The following NCAM2 variants were observed in gnomAD, a reference collection of about 807,000 sequenced individuals.
The protein encoded by NCAM2 is N-CAM-2.
In NCAM2, 30 loss-of-function variants were observed where a neutral mutation model predicts 98.1. The observed-to-expected ratio is 0.31, with a 90% CI of 0.23 to 0.41. NCAM2 has a LOEUF of 0.41. NCAM2 is among the 10% of genes least tolerant of loss of function. NCAM2 has a pLI of 1.00. For synonymous variants in NCAM2, 368 were observed against 342.4 expected, an observed-to-expected ratio of 1.07 and a Z score of -0.83; for missense variants, 867 against 1,005.8, an observed-to-expected ratio of 0.86 and a Z score of 1.87.
chr21:21,208,607 A>G (rs143414987), intron 1 of NCAM2, among the ~76,000 whole-genome samples: 284 of 152,198 alleles, frequency 1.9e-3, no homozygotes, highest in African/African-American at 6.8e-3. Flanking sequence ...TTATTTGATG[A>G]TATCAGATTC....
chr21:21,412,849 T>C (rs746190542), intron 10 of NCAM2, among the ~76,000 whole-genome samples: 3 of 150,824 alleles, frequency 2.0e-5, no homozygotes, highest in Non-Finnish European at 3.0e-5. Context: ...ATTACTAATA[T>C]TTAATTATTA....
chr21:21,198,304 A>G (rs2069086512), intron 1 of NCAM2, among the ~76,000 whole-genome samples: 3 of 151,862 alleles, frequency 2.0e-5, no homozygotes, highest in Admixed American at 1.3e-4. Context: ...TTTTAATGCA[A>G]TTAAAGTAAG....
chr21:21,200,179 C>T (rs1320692398), intron 1 of NCAM2, among the ~76,000 whole-genome samples: 3 of 151,990 alleles, frequency 2.0e-5, no homozygotes, highest in Admixed American at 1.3e-4. Context: ...TAACAATCCC[C>T]ATGAAACCCA....
intron 1 of NCAM2, among the ~76,000 whole-genome samples, chr21:21,015,659 C>A (rs1048374885): frequency 5.3e-5 from 8 of 152,012 alleles, no homozygotes; most frequent in East Asian, 1.9e-4. Flanking sequence ...CTCAAACTGG[C>A]GATATCTCCA....
chr21:21,509,098 C>T lies in NCAM2; in HGVS notation c.2282+43C>T, dbSNP rs776374697. 1.3e-5 allele frequency: 21 copies of T among 1,599,466 alleles called. No individual in the cohort carries two copies. The Admixed American group carries it at 3.4e-4, about 26-fold the overall frequency. The stretch of plus-strand genomic sequence containing the variant: ...ACATCATGTCATATTAAACAAGCGC[C>T]ACAGTCAAGCTCGAGTGCTTTACCT... On this transcript the variant is annotated intron_variant, in intron 16 of 17. Transcript: ENST00000400546.
At chr21:21,102,657 TAAC>T (rs2066268469) in intron 1 of NCAM2, among the ~76,000 whole-genome samples, 1 of 43,374 alleles carries the variant, frequency 2.3e-5, no homozygotes, top group East Asian at 6.3e-4. Flanking sequence ...CTTGAGTTGT[TAAC>T]ATATGATTTT....
At chr21:21,443,994 C>A (rs183438182) in intron 12 of NCAM2, among the ~76,000 whole-genome samples, 3 of 151,962 alleles carry the variant, frequency 2.0e-5, no homozygotes, top group Non-Finnish European at 4.4e-5. Flanking sequence ...AATAGCTCTT[C>A]TTTTTTTGAG....
At chr21:21,282,502 A>G (rs961420809) in intron 2 of NCAM2, among the ~76,000 whole-genome samples, 1 of 151,802 alleles carries the variant, frequency 6.6e-6, no homozygotes, top group Non-Finnish European at 1.5e-5. Flanking sequence ...ATATAGTAGT[A>G]AAACAAGATT....
At chr21:21,078,929 A>G (rs1448137663) in intron 1 of NCAM2, among the ~76,000 whole-genome samples, 1 of 152,154 alleles carries the variant, frequency 6.6e-6, no homozygotes, top group Non-Finnish European at 1.5e-5. Context: ...GCAAACTAAC[A>G]CAGAAACAGA....
intron 8 of NCAM2, among the ~76,000 whole-genome samples, chr21:21,340,349 C>G (rs1330976656): frequency 1.3e-5 from 2 of 151,900 alleles, no homozygotes; most frequent in Non-Finnish European, 2.9e-5. Flanking sequence ...AAATTATACT[C>G]AGTTATTTCA....
At chr21:21,039,726 A>G (rs4818597) in intron 1 of NCAM2, among the ~76,000 whole-genome samples, 143,198 of 152,194 alleles carry the variant, frequency 0.94, 67,984 homozygotes, top group East Asian at 1. Flanking sequence ...CAGGAAACTC[A>G]TAACTTTTTT....
intron 1 of NCAM2, among the ~76,000 whole-genome samples, chr21:21,029,612 TA>T (rs1476674984): frequency 6.6e-6 from 1 of 152,178 alleles, no homozygotes; most frequent in Non-Finnish European, 1.5e-5. Context: ...GCATTATATT[TA>T]TTTTTTTATT....
intron 1 of NCAM2, among the ~76,000 whole-genome samples, chr21:21,106,071 C>CA (rs1157507721): frequency 6.6e-6 from 1 of 150,804 alleles, no homozygotes; most frequent in Non-Finnish European, 1.5e-5. Flanking sequence ...CAGTATTTAC[C>CA]AAAAAAAGGA....
intron 9 of NCAM2, among the ~76,000 whole-genome samples, chr21:21,409,011 A>ACTTT (rs879530066): frequency 0.11 from 17,251 of 150,538 alleles, 1,280 homozygotes; most frequent in Middle Eastern, 0.22. Flanking sequence ...TTAAAAGTTA[A>ACTTT]ATGACTTAAA....
chr21:21,301,212 T>A (rs2073699841), intron 5 of NCAM2, among the ~76,000 whole-genome samples: 1 of 152,086 alleles, frequency 6.6e-6, no homozygotes, highest in Non-Finnish European at 1.5e-5. Context: ...GATTGCTTCT[T>A]TTGCTGTGCA....
rs572350004 is a variant in NCAM2 at position 21,153,296 on chromosome 21, AT to A, written c.56-127272del. On this transcript the variant is annotated intron_variant, in intron 1 of 17. Coordinates refer to ENST00000400546, the MANE Select transcript of NCAM2 (RefSeq NM_004540.5). ...TCTTTCAGATCTTAGTTTAAATGTC[AT>A]TTTTTTTTTCATGAAGCTCCCTGGA... Among the ~76,000 whole-genome samples the A allele has an allele frequency of 1.7e-3, 251 of 143,494 alleles. 1 individual carries two copies. Among genetic ancestry groups the A allele is most frequent in the Middle Eastern group, 3.7e-3 (1 of 272 alleles). 94.1% of individuals were successfully genotyped at this position (143,494 alleles called of 152,430 possible). A position where few individuals can be genotyped will look rare whatever the true frequency, so the allele number is the denominator to read the frequency against.
At chr21:21,309,908 CA>C (rs2073993435) in intron 5 of NCAM2, among the ~76,000 whole-genome samples, 1 of 152,104 alleles carries the variant, frequency 6.6e-6, no homozygotes, top group Non-Finnish European at 1.5e-5. Flanking sequence ...TCTTGAAAAA[CA>C]GTTGTTTTAT....
chr21:21,324,039 A>G (rs1426160655), intron 5 of NCAM2, among the ~76,000 whole-genome samples: 3 of 152,188 alleles, frequency 2.0e-5, no homozygotes, highest in Non-Finnish European at 2.9e-5. Flanking sequence ...TTGCTAAAAT[A>G]TGTACTTTAT....
At chr21:21,450,793 T>TGTATATATACACAC (rs751489970) in intron 12 of NCAM2, among the ~76,000 whole-genome samples, 1 of 143,428 alleles carries the variant, frequency 7.0e-6, no homozygotes, top group African/African-American at 2.6e-5. Context: ...TATGTATGTA[T>TGTATATATACACAC]ACACACACAC....
Sources: gnomAD v4.1 joint callset for allele counts (sites outside exome capture counted in the v4.1 genomes callset) on GRCh38, gnomAD v4.1.1 for gene constraint, MANE v1.5 for transcripts, NCBI Gene and HGNC (gene_info 2026-07-23, HGNC 2026-07-21) for gene names.